The following PLA2R1 variants were observed in gnomAD, a reference collection of about 807,000 sequenced individuals.
The protein encoded by PLA2R1 is secretory phospholipase A2 receptor.
A neutral mutation model predicts 195.9 loss-of-function variants in PLA2R1; 158 were observed. The observed-to-expected ratio is 0.81, with a 90% CI of 0.71 to 0.92. The LOEUF (loss-of-function observed/expected upper bound fraction) is 0.92, where lower values mean the gene tolerates loss of function less well. Ranked by LOEUF, PLA2R1 falls within the 40% of genes least tolerant of loss-of-function variation. The pLI, the probability that PLA2R1 is intolerant of heterozygous loss-of-function variation, is 0.00. For missense variants in PLA2R1, 1,626 were observed against 1,764.6 expected, an observed-to-expected ratio of 0.92 and a Z score of 1.41; for synonymous variants, 586 against 598.2, an observed-to-expected ratio of 0.98 and a Z score of 0.30.
chr2:159,989,730 TTA>T (rs1690628195), intron 11 of PLA2R1, among the ~76,000 whole-genome samples: 4 of 152,246 alleles, frequency 2.6e-5, no homozygotes, highest in African/African-American at 9.6e-5. Context: ...AATGTTGCTA[TTA>T]TGCTTATGGC....
intron 8 of PLA2R1, 106 bp downstream of exon 8, chr2:160,020,000 C>T: frequency 1.4e-6 from 1 of 697,330 alleles, no homozygotes; most frequent in Non-Finnish European, 2.5e-6. Flanking sequence ...CCATGAGGAA[C>T]AGGGACTGCA....
chr2:159,953,909 C>G (rs1471135126), intron 23 of PLA2R1, among the ~76,000 whole-genome samples: 3 of 152,216 alleles, frequency 2.0e-5, no homozygotes, highest in Non-Finnish European at 4.4e-5. Flanking sequence ...TCTCGGCTCA[C>G]TGCAACCTCC....
At chr2:160,055,799 G>A (rs1163513260) in intron 1 of PLA2R1, among the ~76,000 whole-genome samples, 2 of 152,110 alleles carry the variant, frequency 1.3e-5, no homozygotes, top group Non-Finnish European at 2.9e-5. Flanking sequence ...ACAACAAAGA[G>A]TAACGACTCC....
intron 29 of PLA2R1, 46 bp downstream of exon 29, chr2:159,942,081 T>C (rs774307344): frequency 3.8e-6 from 6 of 1,592,928 alleles, no homozygotes; most frequent in Non-Finnish European, 5.2e-6. Flanking sequence ...TTCTATCTTA[T>C]TATTTCTAAG....
At chr2:159,944,358 CCCA>C (rs1175963394) in intron 28 of PLA2R1, among the ~76,000 whole-genome samples, 1 of 152,258 alleles carries the variant, frequency 6.6e-6, no homozygotes, top group East Asian at 1.9e-4. Flanking sequence ...TAGACATTTT[CCCA>C]CCATCAGTGA....
In PLA2R1 at chr2:159,947,303, GT is replaced by G. The variant is rs768251664; in HGVS notation, c.3850+115del. 60 of 862,760 alleles carry G rather than the reference GT, an allele frequency of 7.0e-5. No homozygotes were observed. The East Asian group carries it at 1.5e-3, about 22-fold the overall frequency. The allele number at this position is 862,760 out of a possible 1,614,324, so 53.4% of individuals were successfully genotyped here. ...TAGTATTTATTTTTTCAATAGTTTA[GT>G]TTTTGTTGCTCCTAAAGTCACTAAA... On this transcript the variant is annotated intron_variant, in intron 26 of 29. Coordinates refer to ENST00000283243, the MANE Select transcript of PLA2R1 (RefSeq NM_007366.5).
intron 14 of PLA2R1, among the ~76,000 whole-genome samples, chr2:159,977,674 ATG>A (rs1263298333): frequency 6.6e-6 from 1 of 152,206 alleles, no homozygotes; most frequent in Non-Finnish European, 1.5e-5. Flanking sequence ...ACGGTGGCTC[ATG>A]CCTGTAATCC....
chr2:159,952,713 G>A (rs1687823294), intron 23 of PLA2R1, among the ~76,000 whole-genome samples: 1 of 152,096 alleles, frequency 6.6e-6, no homozygotes. Flanking sequence ...GGAATTGAAC[G>A]AGATATCCAC....
At chr2:160,023,902 C>T (rs1179674558) in intron 6 of PLA2R1, among the ~76,000 whole-genome samples, 2 of 139,704 alleles carry the variant, frequency 1.4e-5, no homozygotes. Context: ...CCCACCATCT[C>T]CCCCAACCCC....
chr2:160,030,101 C>A (rs545079731), intron 4 of PLA2R1, among the ~76,000 whole-genome samples: 1 of 152,236 alleles, frequency 6.6e-6, no homozygotes, highest in South Asian at 2.1e-4. Context: ...GTATGATTAC[C>A]CAGGTTGTGA....
At chr2:159,984,628 G>A (rs12692579) in intron 12 of PLA2R1, among the ~76,000 whole-genome samples, 31,538 of 152,086 alleles carry the variant, frequency 0.21, 3,881 homozygotes, top group Admixed American at 0.38. Context: ...AGAGTCTTTG[G>A]ATCTTAGTTG....
At chr2:159,951,293 C>T (rs1050826692) in intron 24 of PLA2R1, 47 bp downstream of exon 24, 1 of 1,073,866 alleles carries the variant, frequency 9.3e-7, no homozygotes, top group Admixed American at 1.8e-5. Flanking sequence ...GAGGTAGATG[C>T]TAAACTTAAT....
At chr2:159,976,304 A>G in intron 16 of PLA2R1, 79 bp from the exon 17 acceptor site, 1 of 904,492 alleles carries the variant, frequency 1.1e-6, no homozygotes, top group Non-Finnish European at 1.7e-6. Flanking sequence ...AGATTTGGTC[A>G]CTCAACATTA....
At chr2:160,015,860 TA>T (rs1692706157) in intron 9 of PLA2R1, among the ~76,000 whole-genome samples, 2 of 152,186 alleles carry the variant, frequency 1.3e-5, no homozygotes, top group African/African-American at 4.8e-5. Context: ...AGAAAATAAT[TA>T]AAGCATAGTT....
At chr2:160,004,271 G>A (rs1511216) in intron 11 of PLA2R1, among the ~76,000 whole-genome samples, 39,410 of 152,122 alleles carry the variant, frequency 0.26, 6,776 homozygotes, top group Non-Finnish European at 0.39. Flanking sequence ...AATTAGAACT[G>A]TTCTGGGCAA....
chr2:160,039,992 G>A (rs1048011638), intron 3 of PLA2R1, among the ~76,000 whole-genome samples: 7 of 151,772 alleles, frequency 4.6e-5, no homozygotes, highest in South Asian at 2.1e-4. Flanking sequence ...TGTGAAGTAC[G>A]TGTTAACTTT....
At chr2:160,054,103 A>T (rs1286633531) in intron 1 of PLA2R1, among the ~76,000 whole-genome samples, 1 of 152,174 alleles carries the variant, frequency 6.6e-6, no homozygotes, top group Non-Finnish European at 1.5e-5. Context: ...AAACCAGAAG[A>T]GTATCTGCCT....
At chr2:159,953,680 C>T (rs973154856) in intron 23 of PLA2R1, among the ~76,000 whole-genome samples, 1 of 151,784 alleles carries the variant, frequency 6.6e-6, no homozygotes. Flanking sequence ...CTATTCTGTA[C>T]TATCTCTAAA....
intron 27 of PLA2R1, chr2:159,945,749 T>C (rs1687347620): frequency 2.1e-6 from 2 of 974,894 alleles, no homozygotes; most frequent in Non-Finnish European, 2.4e-6. Flanking sequence ...TTAATGAGAC[T>C]CTTGAACTAA....
Sources: allele counts gnomAD v4.1 joint callset (sites outside exome capture counted in the v4.1 genomes callset), GRCh38; gene constraint gnomAD v4.1.1; transcripts MANE v1.5; gene names NCBI Gene and HGNC (gene_info 2026-07-23, HGNC 2026-07-21).